Variants in SSBP3 observed in about 807,000 individuals in gnomAD.
SSBP3 encodes the protein single stranded DNA binding protein 3.
In SSBP3, 5 loss-of-function variants were observed where a neutral mutation model predicts 69.6. That is an observed-to-expected ratio of 0.07 (90% CI 0.04 to 0.15). SSBP3 has a LOEUF of 0.15. Ranked by LOEUF, SSBP3 falls within the 10% of genes least tolerant of loss-of-function variation. The pLI, the probability that SSBP3 is intolerant of heterozygous loss-of-function variation, is 1.00. For missense variants in SSBP3, 312 were observed against 534.0 expected (o/e 0.58, Z 4.10); for synonymous variants, 196 against 193.4 (o/e 1.01, Z -0.11).
intron 4 of SSBP3, among the ~76,000 whole-genome samples, chr1:54,398,995 T>C (rs1203657553): frequency 6.6e-6 from 1 of 152,216 alleles, no homozygotes; most frequent in Non-Finnish European, 1.5e-5. Flanking sequence ...GGCAACTAGT[T>C]AATTGACTTC....
At chr1:54,303,392 G>GCAGGGGA (rs1278091917) in intron 4 of SSBP3, among the ~76,000 whole-genome samples, 1 of 151,802 alleles carries the variant, frequency 6.6e-6, no homozygotes, top group Non-Finnish European at 1.5e-5. Flanking sequence ...GGGGCAGGGG[G>GCAGGGGA]CAGGCCCTGG....
At chr1:54,410,506 G>A (rs1484136160), upstream of SSBP3, among the ~76,000 whole-genome samples, 1 of 152,204 alleles carries the variant, frequency 6.6e-6, no homozygotes, top group African/African-American at 2.4e-5. Context: ...CTGTTTCAGT[G>A]GAAGCTGAGT....
chr1:54,243,336 G>C (rs374247822), intron 9 of SSBP3, 37 bp from the exon 10 acceptor site: 2 of 1,613,102 alleles, frequency 1.2e-6, no homozygotes, highest in African/African-American at 2.7e-5. Context: ...ATGAGAAGAA[G>C]GGAACCGGAG....
intron 3 of SSBP3, among the ~76,000 whole-genome samples, chr1:54,403,720 A>T (rs1649472198): frequency 6.6e-6 from 1 of 152,186 alleles, no homozygotes; most frequent in Admixed American, 6.5e-5. Context: ...CTCCATCAAA[A>T]TATCAAAAGC....
chr1:54,334,804 G>C (rs1245258846), intron 4 of SSBP3, among the ~76,000 whole-genome samples: 3 of 152,216 alleles, frequency 2.0e-5, no homozygotes, highest in Non-Finnish European at 2.9e-5. Context: ...GCCACACAGA[G>C]CCGACTGGCA....
chr1:54,332,561 T>C (rs1232344163), intron 4 of SSBP3, among the ~76,000 whole-genome samples: 1 of 152,128 alleles, frequency 6.6e-6, no homozygotes, highest in East Asian at 1.9e-4. Context: ...GGCCTGACTA[T>C]AGCTTTGGCC....
At chr1:54,257,423 G>A (rs1394686356) in intron 6 of SSBP3, among the ~76,000 whole-genome samples, 1 of 152,056 alleles carries the variant, frequency 6.6e-6, no homozygotes, top group Non-Finnish European at 1.5e-5. Context: ...ACTCTGGGTG[G>A]GAAGGGCAGC....
intron 14 of SSBP3, among the ~76,000 whole-genome samples, chr1:54,235,480 G>T (rs1644474842): frequency 8.7e-6 from 1 of 114,726 alleles, no homozygotes. Context: ...TTTTGAGATG[G>T]AGTCTCACTC....
chr1:54,268,782 G>C (rs1645144798), intron 5 of SSBP3, among the ~76,000 whole-genome samples: 2 of 152,172 alleles, frequency 1.3e-5, no homozygotes, highest in African/African-American at 4.8e-5. Flanking sequence ...CCAGGACTCT[G>C]GGAGACACAG....
intron 4 of SSBP3, among the ~76,000 whole-genome samples, chr1:54,293,612 T>G (rs1179521918): frequency 2.0e-5 from 3 of 152,236 alleles, no homozygotes; most frequent in Non-Finnish European, 4.4e-5. Flanking sequence ...AACCACCCTC[T>G]GCACAGGCAG....
At chr1:54,237,898 A>G (rs1644527090) in intron 14 of SSBP3, 3 of 346,658 alleles carry the variant, frequency 8.7e-6, no homozygotes, top group East Asian at 1.5e-4. Flanking sequence ...GCCAGCATCC[A>G]CGTCAGGCAA....
intron 4 of SSBP3, among the ~76,000 whole-genome samples, chr1:54,317,988 G>A (rs921649346): frequency 2.6e-5 from 4 of 152,106 alleles, no homozygotes; most frequent in South Asian, 2.1e-4. Context: ...GACTGGTCTC[G>A]AACTCCTGAC....
intron 12 of SSBP3, 131 bp downstream of exon 12, chr1:54,241,343 A>C: frequency 9.5e-7 from 1 of 1,054,240 alleles, no homozygotes; most frequent in Non-Finnish European, 1.5e-6. Context: ...ATTGACAGCA[A>C]GTTCTAGCAG....
intron 14 of SSBP3, among the ~76,000 whole-genome samples, chr1:54,235,049 G>A (rs563932917): frequency 2.6e-5 from 4 of 152,232 alleles, no homozygotes; most frequent in Non-Finnish European, 2.9e-5. Context: ...CACCTAACAC[G>A]GTACCACCAA....
chr1:54,380,268 C>A (rs779679723), intron 4 of SSBP3, among the ~76,000 whole-genome samples: 4 of 152,140 alleles, frequency 2.6e-5, no homozygotes, highest in Non-Finnish European at 4.4e-5. Flanking sequence ...TCACACACCC[C>A]CTCCTTTTTC....
chr1:54,259,258 T>G (rs559653009), intron 5 of SSBP3, among the ~76,000 whole-genome samples: 48 of 152,168 alleles, frequency 3.2e-4, no homozygotes, highest in African/African-American at 1.1e-3. Flanking sequence ...TTCAGCAAGC[T>G]GCAATAATTA....
chr1:54,286,076 G>C (rs192046945), intron 4 of SSBP3, among the ~76,000 whole-genome samples: 7 of 152,176 alleles, frequency 4.6e-5, no homozygotes, highest in Admixed American at 1.3e-4. Flanking sequence ...AGGGCACCTG[G>C]GTTTTAACTC....
chr1:54,352,036 C>T (rs1360750545), intron 4 of SSBP3, among the ~76,000 whole-genome samples: 1 of 152,200 alleles, frequency 6.6e-6, no homozygotes, highest in African/African-American at 2.4e-5. Context: ...TGGCGCATGC[C>T]TGTAGTCCCA....
At chr1:54,401,749 G>C (rs1358952955) in intron 4 of SSBP3, 112 bp downstream of exon 4, 6 of 828,754 alleles carry the variant, frequency 7.2e-6, no homozygotes, top group Non-Finnish European at 1.2e-5. Flanking sequence ...AGAAAGAAAC[G>C]CAAGAAGCAA....
Sources: allele counts gnomAD v4.1 joint callset (sites outside exome capture counted in the v4.1 genomes callset), GRCh38; gene constraint gnomAD v4.1.1; transcripts MANE v1.5; gene names NCBI Gene and HGNC (gene_info 2026-07-23, HGNC 2026-07-21).